MROH7: variants seen among roughly 807,000 people sequenced by gnomAD.
MROH7 encodes the protein maestro heat like repeat family member 7.
In MROH7, 113 loss-of-function variants were observed where a neutral mutation model predicts 129.2. The observed-to-expected ratio is 0.87, with a 90% CI of 0.75 to 1.02. The LOEUF (loss-of-function observed/expected upper bound fraction) is 1.02, where lower values mean the gene tolerates loss of function less well. Ranked by LOEUF, MROH7 falls within the 50% of genes least tolerant of loss-of-function variation. The pLI is 0.00. For missense variants in MROH7, 1,601 were observed against 1,671.3 expected (o/e 0.96, Z 0.73); for synonymous variants, 655 against 667.9 (o/e 0.98, Z 0.30).
rs1644589060 is a variant in MROH7, at chr1:54,653,366, CA to C, written c.443del (p.Asn148IlefsTer28). ...CTGAGCTCTGGGAACCACCCTCAGT[CA>C]AATTCTGAAGATGCCTTCAAGTGCC... Reference protein sequence around the residue: ...PRLSSGNHPQSNSEDAFKCLS... With the variant: ...PRLSSGNHPQXNSEDAFKCLS... On this transcript the variant is annotated frameshift_variant, in exon 3 of 24. Transcript: ENST00000421030. LOFTEE classifies it high-confidence loss of function. The C allele has an allele frequency of 6.2e-7, 1 of 1,614,198 alleles. No individual in the cohort carries two copies. The highest frequency in any genetic ancestry group is 1.3e-5 in the African/African-American group (1 of 75,062).
chr1:54,695,574 G>C (rs778223634), intron 17 of MROH7, 84 bp downstream of exon 17: 1 of 843,076 alleles, frequency 1.2e-6, no homozygotes, highest in Non-Finnish European at 2.0e-6. Context: ...TATGTAAACA[G>C]TACTTTATAG....
Position 54,665,229 on chromosome 1 carries a change from A to C in MROH7, c.1294A>C (p.Asn432His). The change falls in exon 4 of 24, where the codon AAC (asparagine) becomes CAC (histidine). Residue 432 changes from asparagine (N) to histidine (H), a missense_variant. Asn to His is a moderately conservative substitution (Grantham distance 68, BLOSUM62 1). Coordinates refer to ENST00000421030, the MANE Select transcript of MROH7 (RefSeq NM_001039464.4). ...KVPEKTEGGN[N>H]MALVENVTTL... is the part of the protein sequence containing the mutation. ...GCCAGAGAAGACAGAAGGTGGCAAC[A>C]ACATGGCTCTGGTATGCCTCCTGCC... 5.6e-6 allele frequency: 9 copies of C among 1,613,838 alleles called. No homozygotes were observed. The highest frequency in any genetic ancestry group is 6.8e-6 in the Non-Finnish European group (8 of 1,179,816).
intron 3 of MROH7, chr1:54,663,702 C>CGA (rs1644768502): frequency 5.6e-6 from 1 of 177,386 alleles, no homozygotes; most frequent in Non-Finnish European, 1.2e-5. Flanking sequence ...AAAAAAAAAA[C>CGA]AAAAAAAAAA....
chr1:54,673,259 G>A, intron 8 of MROH7, 73 bp downstream of exon 8: 2 of 1,144,924 alleles, frequency 1.7e-6, no homozygotes, highest in South Asian at 1.4e-5. Context: ...TGCAGGAGCA[G>A]TGGAGGCCAG....
intron 5 of MROH7, among the ~76,000 whole-genome samples, chr1:54,669,977 C>T (rs1644869384): frequency 7.1e-6 from 1 of 141,416 alleles, no homozygotes; most frequent in African/African-American, 2.7e-5. Flanking sequence ...ACACTCCAAT[C>T]TGGGTAACAG....
intron 17 of MROH7, chr1:54,695,844 G>A (rs1024875556): frequency 2.8e-6 from 1 of 353,102 alleles, no homozygotes; most frequent in African/African-American, 2.1e-5. Flanking sequence ...GTTATAACAG[G>A]GGGTGATACC....
At chr1:54,685,737 G>A (rs1183961162) in intron 14 of MROH7, among the ~76,000 whole-genome samples, 1 of 152,200 alleles carries the variant, frequency 6.6e-6, no homozygotes, top group East Asian at 1.9e-4. Flanking sequence ...GGGGATGGGA[G>A]TGAGGACAGC....
At chr1:54,687,872 CTT>C (rs35990412) in intron 15 of MROH7, among the ~76,000 whole-genome samples, 30 of 130,144 alleles carry the variant, frequency 2.3e-4, no homozygotes, top group Non-Finnish European at 2.5e-4. Context: ...TTTTTTCTTT[CTT>C]TTTTTTTTTT....
At chr1:54,694,392 A>C (rs1441469317) in intron 16 of MROH7, among the ~76,000 whole-genome samples, 1 of 152,240 alleles carries the variant, frequency 6.6e-6, no homozygotes, top group Admixed American at 6.5e-5. Context: ...TGTGCAACGG[A>C]ATTAACTGCC....
chr1:54,681,149 G>T (rs1025507205), intron 13 of MROH7, among the ~76,000 whole-genome samples: 6 of 152,186 alleles, frequency 3.9e-5, no homozygotes, highest in African/African-American at 1.2e-4. Flanking sequence ...TGCCAAGTCT[G>T]CACTTGTGTG....
Position 54,673,147 on chromosome 1 carries a change from C to T in MROH7, c.1656C>T (p.Ile552=), listed in dbSNP as rs375031016. The T allele has an allele frequency of 5.3e-5, 86 of 1,613,756 alleles. 1 individual carries two copies. The Middle Eastern group carries it at 6.6e-4, about 12-fold the overall frequency. Residue 552 remains isoleucine, a synonymous_variant, in exon 8 of 24, where the codon ATC becomes ATT. Coordinates refer to ENST00000421030, the MANE Select transcript of MROH7 (RefSeq NM_001039464.4). ...AGACACTGCTCAAAGCCCTCTTTAT[C>T]GAGGACCCCACTCCTGCTGGGCTGA... ...ALQTLLKALF[I]EDPTPAGLKS... is the part of the protein sequence containing the mutation.
chr1:54,706,146 T>C (rs146453474), intron 21 of MROH7, among the ~76,000 whole-genome samples: 2,026 of 152,266 alleles, frequency 0.013, 16 homozygotes, highest in South Asian at 0.021. Context: ...GTCCCTCACA[T>C]GCCATGTCCA....
chr1:54,701,894 G>C (rs1645442281), intron 19 of MROH7, among the ~76,000 whole-genome samples, 196 bp from the exon 20 acceptor site: 1 of 151,704 alleles, frequency 6.6e-6, no homozygotes, highest in Non-Finnish European at 1.5e-5. Context: ...TCTTTAAACT[G>C]CTCCTAGCAG....
chr1:54,675,942 G>C (rs1445296232), intron 10 of MROH7, among the ~76,000 whole-genome samples: 1 of 151,904 alleles, frequency 6.6e-6, no homozygotes, highest in African/African-American at 2.4e-5. Flanking sequence ...CGCCGAGGCA[G>C]CTCATTTAAA....
intron 19 of MROH7, among the ~76,000 whole-genome samples, chr1:54,701,769 T>G (rs972542479): frequency 2.6e-5 from 4 of 152,120 alleles, no homozygotes; most frequent in Non-Finnish European, 5.9e-5. Flanking sequence ...GGTTTCCCTA[T>G]GTTGCCCAGG....
chr1:54,670,650 C>T (rs577698211), intron 6 of MROH7, 74 bp downstream of exon 6: 31 of 1,497,200 alleles, frequency 2.1e-5, no homozygotes, highest in Middle Eastern at 1.7e-4. Flanking sequence ...TCCATCTCTT[C>T]GCTGTACCCT....
intron 16 of MROH7, 106 bp downstream of exon 16, chr1:54,692,667 G>T (rs1272490571): frequency 1.7e-6 from 2 of 1,206,740 alleles, no homozygotes; most frequent in Admixed American, 2.5e-5. Context: ...AAGACCCTTT[G>T]CTCAGTCTGT....
rs773353464 is a variant in MROH7, at chr1:54,709,058, C to T, written c.3712C>T (p.Leu1238=). 4 of 1,614,186 alleles carry T rather than the reference C, an allele frequency of 2.5e-6. No individual in the cohort carries two copies. Among genetic ancestry groups the T allele is most frequent in the South Asian group, 2.2e-5 (2 of 91,082 alleles). The change falls in exon 23 of 24, where the codon CTG becomes TTG. Residue 1238 remains leucine (L), a synonymous_variant. Transcript: ENST00000421030. ...CMESIMTEDR[L]NEVKAALDNL... is the part of the protein sequence containing the mutation. ...GGAGAGCATAATGACAGAAGATCGT[C>T]TGAATGAAGTGAAAGCTGGTAAGTC... is the stretch of plus-strand genomic sequence containing the variant.
intron 3 of MROH7, among the ~76,000 whole-genome samples, chr1:54,658,304 C>G (rs964065150): frequency 6.6e-6 from 1 of 152,136 alleles, no homozygotes; most frequent in African/African-American, 2.4e-5. Flanking sequence ...GTGTTTATTT[C>G]TGGGTACTCT....
Sources: gnomAD v4.1 joint callset for allele counts (sites outside exome capture counted in the v4.1 genomes callset) on GRCh38, gnomAD v4.1.1 for gene constraint, MANE v1.5 for transcripts, NCBI Gene and HGNC (gene_info 2026-07-23, HGNC 2026-07-21) for gene names.